The following PRDM6 variants were observed in gnomAD, a reference collection of about 807,000 sequenced individuals.
PRDM6 encodes PR/SET domain 6.
Under a neutral mutation model 60.8 loss-of-function variants are expected in PRDM6, and 25 were observed. The observed-to-expected ratio is 0.41, with a 90% CI of 0.30 to 0.57. The LOEUF is 0.57. Ranked by LOEUF, PRDM6 falls within the 20% of genes least tolerant of loss-of-function variation. PRDM6 has a pLI of 0.27. For synonymous variants in PRDM6, 407 were observed against 357.4 expected, an observed-to-expected ratio of 1.14 and a Z score of -1.57; for missense variants, 839 against 821.3, an observed-to-expected ratio of 1.02 and a Z score of -0.26.
At position 123,159,616 on chromosome 5, in the gene PRDM6, A is replaced by C; in HGVS notation, c.1131A>C (p.Gln377His). Residue 377 changes from glutamine to histidine, a missense_variant, in exon 5 of 8, where the codon CAA becomes CAC. By Grantham distance (24) the Gln-to-His change is conservative. This residue lies in a region of PRDM6 where 730 missense variants were observed against 648.8 expected (regional missense o/e 1.13). Coordinates refer to ENST00000407847, the MANE Select transcript of PRDM6 (RefSeq NM_001136239.4). Reference protein sequence around the residue: ...SYTSFFGIPLQCIAQDENLNV... With the variant: ...SYTSFFGIPLHCIAQDENLNV... ...CGTCTTTCTTTGGGATCCCCTTACAATGCATTGCCCAGGATGAAAACTGTA... is the reference window on the plus strand; with the variant it reads ...CGTCTTTCTTTGGGATCCCCTTACACTGCATTGCCCAGGATGAAAACTGTA... 9 of 1,551,644 alleles carry C rather than the reference A, an allele frequency of 5.8e-6. No homozygotes were observed. The Middle Eastern group carries it at 1.0e-3, about 173-fold the overall frequency.
intron 3 of PRDM6, among the ~76,000 whole-genome samples, chr5:123,118,238 T>C (rs335180): frequency 0.69 from 105,242 of 152,088 alleles, 36,493 homozygotes; most frequent in Middle Eastern, 0.71. Flanking sequence ...CAAGTTGGGA[T>C]AAATGGCAAA....
chr5:123,117,482 A>G (rs915473330), intron 3 of PRDM6, among the ~76,000 whole-genome samples: 7 of 152,132 alleles, frequency 4.6e-5, no homozygotes, highest in African/African-American at 1.7e-4. Flanking sequence ...GGCATGATGG[A>G]AATTTTCATA....
chr5:123,159,408 C>A, intron 4 of PRDM6, 106 bp from the exon 5 acceptor site: 3 of 1,244,732 alleles, frequency 2.4e-6, no homozygotes, highest in Admixed American at 2.7e-5. Context: ...CAAACAGAAA[C>A]TGTTTAGATG....
intron 3 of PRDM6, among the ~76,000 whole-genome samples, chr5:123,152,299 A>G (rs745735638): frequency 1.2e-4 from 18 of 152,214 alleles, no homozygotes; most frequent in Non-Finnish European, 2.1e-4. Flanking sequence ...GTAGAGAGGT[A>G]GAGACTGCAG....
chr5:123,175,079 C>T (rs1427068053), intron 6 of PRDM6, among the ~76,000 whole-genome samples: 5 of 151,988 alleles, frequency 3.3e-5, no homozygotes, highest in African/African-American at 1.2e-4. Flanking sequence ...TTGCTCAAAC[C>T]AAAAGTGCTT....
chr5:123,167,432 C>T (rs1289218849), intron 5 of PRDM6, among the ~76,000 whole-genome samples: 3 of 151,754 alleles, frequency 2.0e-5, no homozygotes, highest in African/African-American at 7.3e-5. Flanking sequence ...TCTTGTTACC[C>T]AGGCTGGAGT....
At chr5:123,149,309 C>T (rs1276164782) in intron 3 of PRDM6, among the ~76,000 whole-genome samples, 11 of 152,060 alleles carry the variant, frequency 7.2e-5, no homozygotes, top group Admixed American at 7.2e-4. Flanking sequence ...ACAAATGTCC[C>T]GGGCTTTGCA....
Position 123,090,412 on chromosome 5 carries a change from C to A in PRDM6, c.398C>A (p.Pro133His). The A allele has an allele frequency of 6.9e-7, 1 of 1,457,038 alleles. No homozygotes were observed. The highest frequency in any genetic ancestry group is 9.0e-7 in the Non-Finnish European group (1 of 1,111,958). 90.3% of individuals were successfully genotyped at this position (1,457,038 alleles called of 1,614,324 possible). ...GCTGCCGTCGCCGCCGAGCCGCTGC[C>A]CCCCAAGGAACTGTGCCTCGGCGCC... ...AAAAVAAEPL[P>H]PKELCLGATS... The change falls in exon 2 of 8, where the codon CCC becomes CAC. Residue 133 changes from proline to histidine, a missense_variant. Physicochemically the swap from Pro to His is moderately conservative, Grantham distance 77. This residue lies in a region of PRDM6 where 730 missense variants were observed against 648.8 expected (regional missense o/e 1.13). Transcript: ENST00000407847.
At chr5:123,116,960 G>T (rs970806115) in intron 3 of PRDM6, among the ~76,000 whole-genome samples, 1 of 152,146 alleles carries the variant, frequency 6.6e-6, no homozygotes, top group Non-Finnish European at 1.5e-5. Context: ...TAATTTCCTT[G>T]TTCTCCCTAA....
intron 2 of PRDM6, among the ~76,000 whole-genome samples, chr5:123,098,639 GA>G (rs992784796): frequency 6.6e-6 from 1 of 152,260 alleles, no homozygotes; most frequent in African/African-American, 2.4e-5. Context: ...GTCGGAGAGA[GA>G]CAGCTTTATC....
chr5:123,137,595 C>T (rs1425150405), intron 3 of PRDM6, among the ~76,000 whole-genome samples: 3 of 152,064 alleles, frequency 2.0e-5, no homozygotes, highest in African/African-American at 7.2e-5. Flanking sequence ...ACAATGAGAA[C>T]ACATGGACAC....
At chr5:123,142,386 T>G (rs459633) in intron 3 of PRDM6, among the ~76,000 whole-genome samples, 1 of 151,934 alleles carries the variant, frequency 6.6e-6, no homozygotes, top group African/African-American at 2.4e-5. Flanking sequence ...AAGTAGAACA[T>G]AGGATTCCTC....
chr5:123,112,618 A>G (rs6862547), intron 3 of PRDM6, among the ~76,000 whole-genome samples: 2,686 of 152,198 alleles, frequency 0.018, 63 homozygotes, highest in African/African-American at 0.057. Context: ...TTATATCCTT[A>G]GTTGTGAACA....
At chr5:123,167,563 A>G (rs1001593008) in intron 5 of PRDM6, among the ~76,000 whole-genome samples, 4 of 151,880 alleles carry the variant, frequency 2.6e-5, no homozygotes, top group African/African-American at 9.7e-5. Context: ...CTAATTTTGT[A>G]TTTTTAGTAG....
At position 123,090,250 on chromosome 5, in the gene PRDM6, C is replaced by G; in HGVS notation, c.236C>G (p.Ala79Gly). The G allele has an allele frequency of 2.0e-6, 3 of 1,487,288 alleles. No homozygotes were observed. Among genetic ancestry groups the G allele is most frequent in the Non-Finnish European group, 1.8e-6 (2 of 1,118,878 alleles). 92.1% of individuals were successfully genotyped at this position (1,487,288 alleles called of 1,614,324 possible). A position where few individuals can be genotyped will look rare whatever the true frequency, so the allele number is the denominator to read the frequency against. ...LRPRPASLSS[A>G]SSTPASSSTS... is the part of the protein sequence containing the mutation. ...CCGCGGCCCGCCTCTCTCTCCTCCG[C>G]CTCGTCCACGCCGGCTTCCTCTTCC... Residue 79 changes from alanine (A) to glycine (G), a missense_variant, in exon 2 of 8, where the codon GCC (alanine) becomes GGC (glycine). This residue lies in a region of PRDM6 where 730 missense variants were observed against 648.8 expected (regional missense o/e 1.13). Transcript: ENST00000407847.
chr5:123,167,025 T>C (rs1765768178), intron 5 of PRDM6, among the ~76,000 whole-genome samples: 1 of 152,234 alleles, frequency 6.6e-6, no homozygotes, highest in African/African-American at 2.4e-5. Flanking sequence ...TCCTGTCCTT[T>C]TTCTGAAAAT....
chr5:123,168,922 T>C (rs1293103502), intron 5 of PRDM6, among the ~76,000 whole-genome samples: 1 of 152,234 alleles, frequency 6.6e-6, no homozygotes, highest in African/African-American at 2.4e-5. Context: ...AGCACAGAGC[T>C]TCGTGGCAGT....
rs1385663322 is a variant in PRDM6, at chr5:123,138,138, A to G, written c.901-17746A>G. On this transcript the variant is annotated intron_variant, in intron 3 of 7. Transcript: ENST00000407847. Reference sequence around the variant, plus strand: ...ACTCATGATTTCTTGCCCAAAGAAAAGAAACTTAGGCCTGGGGAGTTTTCC... The same window carrying G: ...ACTCATGATTTCTTGCCCAAAGAAAGGAAACTTAGGCCTGGGGAGTTTTCC... Among the ~76,000 whole-genome samples, 5 of 152,326 alleles carry G rather than the reference A, an allele frequency of 3.3e-5. No individual in the cohort carries two copies. In the East Asian group the frequency reaches 9.6e-4, roughly 29 times the overall value.
At chr5:123,176,216 C>T (rs569964939) in intron 6 of PRDM6, among the ~76,000 whole-genome samples, 23 of 148,084 alleles carry the variant, frequency 1.6e-4, no homozygotes, top group African/African-American at 5.6e-4. Context: ...TATTGGCTAG[C>T]TCAGATACAG....
Sources: allele counts gnomAD v4.1 joint callset (sites outside exome capture counted in the v4.1 genomes callset), GRCh38; gene constraint gnomAD v4.1.1; regional missense constraint gnomAD v4.1.1; transcripts MANE v1.5; gene names NCBI Gene and HGNC (gene_info 2026-07-23, HGNC 2026-07-21).